Variants in RNF144A observed in about 807,000 individuals in gnomAD.
RNF144A encodes E3 ubiquitin-protein ligase RNF144A.
In RNF144A, 11 loss-of-function variants were observed where a neutral mutation model predicts 38.7. The observed-to-expected ratio is 0.28, with a 90% confidence interval of 0.18 to 0.47. The LOEUF (loss-of-function observed/expected upper bound fraction) is 0.47. RNF144A is among the 20% of genes least tolerant of loss of function. RNF144A has a pLI of 0.99. For missense variants in RNF144A, 316 were observed against 377.2 expected, an observed-to-expected ratio of 0.84 and a Z score of 1.34; for synonymous variants, 149 against 143.9, an observed-to-expected ratio of 1.04 and a Z score of -0.25.
chr2:7,066,918 T>G (rs535802453), intron 6 of RNF144A, among the ~76,000 whole-genome samples: 21 of 152,180 alleles, frequency 1.4e-4, no homozygotes, highest in Middle Eastern at 3.2e-3. Flanking sequence ...TTTAACTGTT[T>G]AGTCTGAGAT....
chr2:7,044,048 A>C lies in RNF144A; in HGVS notation c.*4288A>C, dbSNP rs770059320. 1.0e-6 allele frequency: 1 copy of C among 985,868 alleles called. No individual in the cohort carries two copies. Among genetic ancestry groups the C allele is most frequent in the South Asian group, 4.7e-5 (1 of 21,292 alleles). The allele number at this position is 985,868 out of a possible 1,614,324, so 61.1% of individuals were successfully genotyped here. A position where few individuals can be genotyped will look rare whatever the true frequency, so the allele number is the denominator to read the frequency against. On this transcript the variant is annotated 3_prime_UTR_variant, in exon 9 of 9. Coordinates refer to ENST00000320892, the MANE Select transcript of RNF144A (RefSeq NM_014746.6). ...ATGTTGTGTTTTGTACTCTGGAATCATATGGAAAAAGTTTGATTTGTAATT... is the reference window on the plus strand; with the variant it reads ...ATGTTGTGTTTTGTACTCTGGAATCCTATGGAAAAAGTTTGATTTGTAATT...
chr2:7,037,806 A>T (rs905335252), intron 8 of RNF144A, among the ~76,000 whole-genome samples: 3 of 152,168 alleles, frequency 2.0e-5, no homozygotes, highest in Non-Finnish European at 4.4e-5. Context: ...AAGATCTTTT[A>T]CTTCATTTGT....
At chr2:7,069,118 G>A (rs986173910), downstream of RNF144A, among the ~76,000 whole-genome samples, 1 of 152,190 alleles carries the variant, frequency 6.6e-6, no homozygotes, top group African/African-American at 2.4e-5. Flanking sequence ...TTTCACATGG[G>A]GCTTGTCCAG....
chr2:7,043,120 G>T lies in RNF144A; in HGVS notation c.*3360G>T, dbSNP rs746122074. 35 of 911,680 alleles carry T rather than the reference G, an allele frequency of 3.8e-5. No homozygotes were observed. The highest frequency in any genetic ancestry group is 4.5e-5 in the Non-Finnish European group (34 of 763,066). 56.5% of individuals were successfully genotyped at this position (911,680 alleles called of 1,614,324 possible). ...TGACCTCAGGTGATCTGCCCACCTC[G>T]GCTTCCCAAAGTGCTGGAATTACAG... On this transcript the variant is annotated 3_prime_UTR_variant, in exon 9 of 9. Transcript: ENST00000320892.
intron 6 of RNF144A, among the ~76,000 whole-genome samples, chr2:7,050,477 A>G (rs1572481806): frequency 6.6e-6 from 1 of 152,144 alleles, no homozygotes; most frequent in African/African-American, 2.4e-5. Flanking sequence ...CAGAGTGAGA[A>G]CAGACTAATG....
intron 6 of RNF144A, among the ~76,000 whole-genome samples, chr2:7,060,771 G>A (rs1673920655): frequency 6.6e-6 from 1 of 152,164 alleles, no homozygotes; most frequent in Admixed American, 6.5e-5. Context: ...CTTACATAGA[G>A]CCTTTCCTGT....
At chr2:6,933,487 A>G (rs1665338935) in intron 1 of RNF144A, among the ~76,000 whole-genome samples, 1 of 152,218 alleles carries the variant, frequency 6.6e-6, no homozygotes, top group Admixed American at 6.5e-5. Flanking sequence ...CTTATGAGAT[A>G]CAATCCTTGG....
intron 1 of RNF144A, among the ~76,000 whole-genome samples, chr2:6,922,671 C>G (rs1300774665): frequency 6.7e-6 from 1 of 149,552 alleles, no homozygotes; most frequent in Non-Finnish European, 1.5e-5. Context: ...GTCGCCCAGG[C>G]TGGAGTGTAG....
At chr2:7,022,597 T>C (rs948735477) in intron 6 of RNF144A, among the ~76,000 whole-genome samples, 1 of 152,220 alleles carries the variant, frequency 6.6e-6, no homozygotes, top group African/African-American at 2.4e-5. Context: ...CAAAATCAGC[T>C]TGTGAGTCAC....
intron 6 of RNF144A, among the ~76,000 whole-genome samples, chr2:7,051,203 G>A (rs933652263): frequency 2.0e-5 from 3 of 152,176 alleles, no homozygotes; most frequent in African/African-American, 7.2e-5. Flanking sequence ...GTTGCTCAGA[G>A]CACAGATTGG....
downstream of RNF144A, among the ~76,000 whole-genome samples, chr2:7,047,726 C>G (rs567827794): frequency 6.6e-6 from 1 of 152,196 alleles, no homozygotes; most frequent in Non-Finnish European, 1.5e-5. Context: ...GCAAAAGCCT[C>G]AACTGTAGTT....
downstream of RNF144A, among the ~76,000 whole-genome samples, chr2:7,047,497 C>A (rs1270574733): frequency 6.6e-6 from 1 of 152,192 alleles, no homozygotes; most frequent in Admixed American, 6.5e-5. Flanking sequence ...AAACCCATCA[C>A]ATCTCGTGAG....
downstream of RNF144A, among the ~76,000 whole-genome samples, chr2:7,048,529 T>G (rs1277661349): frequency 6.6e-6 from 1 of 152,098 alleles, no homozygotes; most frequent in Admixed American, 6.5e-5. Flanking sequence ...CAGGGTTCAG[T>G]AAGACACCCA....
At chr2:6,960,718 T>C (rs1320159892) in intron 2 of RNF144A, among the ~76,000 whole-genome samples, 1 of 152,174 alleles carries the variant, frequency 6.6e-6, no homozygotes, top group Non-Finnish European at 1.5e-5. Flanking sequence ...ACACCTGAAA[T>C]GTTCCTGGCA....
rs1664206720 is a variant in RNF144A, at chr2:6,917,647, T to C, written c.-212+25T>C. 6.8e-6 allele frequency: 1 copy of C among 147,260 alleles called. No individual in the cohort carries two copies. The highest frequency in any genetic ancestry group is 2.1e-4 in the South Asian group (1 of 4,802). The allele number at this position is 147,260 out of a possible 1,614,324, so 9.1% of individuals were successfully genotyped here. ...GGTAGAGTGACGCGCGTCCCCTTTGTGTCCGCATCGCCCGGGCCGGCCGCG... is the reference window on the plus strand; with the variant it reads ...GGTAGAGTGACGCGCGTCCCCTTTGCGTCCGCATCGCCCGGGCCGGCCGCG... On this transcript the variant is annotated intron_variant, in intron 1 of 8. Coordinates refer to ENST00000320892, the MANE Select transcript of RNF144A (RefSeq NM_014746.6). This position sits in a 1 kb window ranked among gnomAD's most constrained non-coding sequence, Gnocchi z 4.8.
At chr2:6,922,182 A>C (rs528982256) in intron 1 of RNF144A, among the ~76,000 whole-genome samples, 4 of 152,174 alleles carry the variant, frequency 2.6e-5, no homozygotes, top group African/African-American at 9.6e-5. Flanking sequence ...CATAGCGACC[A>C]TTGTTTTTAC....
intron 3 of RNF144A, among the ~76,000 whole-genome samples, chr2:7,013,710 T>G (rs370731827): frequency 6.6e-6 from 1 of 152,250 alleles, no homozygotes; most frequent in Non-Finnish European, 1.5e-5. Flanking sequence ...TTTCTAAGAC[T>G]AGTAGACTTT....
chr2:6,926,175 A>T (rs1365717307), intron 1 of RNF144A, among the ~76,000 whole-genome samples: 1 of 152,216 alleles, frequency 6.6e-6, no homozygotes, highest in East Asian at 1.9e-4. Context: ...AGGGCTGGCC[A>T]CAGCTGCGCC....
At chr2:7,006,722 A>G (rs1670468572) in intron 3 of RNF144A, among the ~76,000 whole-genome samples, 1 of 151,794 alleles carries the variant, frequency 6.6e-6, no homozygotes, top group South Asian at 2.1e-4. Context: ...TTCCCTGTCC[A>G]TGGCCTGCCA....
Sources: allele counts gnomAD v4.1 joint callset (sites outside exome capture counted in the v4.1 genomes callset), GRCh38; gene constraint gnomAD v4.1.1; non-coding constraint Gnocchi (gnomAD v3.1); transcripts MANE v1.5; gene names NCBI Gene and HGNC (gene_info 2026-07-23, HGNC 2026-07-21).